Variants in RUFY3 observed in about 807,000 individuals in gnomAD.
The protein encoded by RUFY3 is RUN and FYVE domain containing 3, also known as protein RUFY3.
RUFY3 carries 34 observed loss-of-function variants against 84.0 expected under a neutral mutation model. The observed-to-expected ratio is 0.40, with a 90% confidence interval of 0.31 to 0.54. RUFY3 has a LOEUF of 0.54. Among genes scored for constraint, RUFY3 ranks in the 20% least tolerant of loss-of-function variants. The probability of loss-of-function intolerance (pLI) is 0.39; values close to 1 mark genes in which losing one functional copy is unlikely to be tolerated. For missense variants in RUFY3, 507 were observed against 736.8 expected, an observed-to-expected ratio of 0.69 and a Z score of 3.61; for synonymous variants, 242 against 252.9, an observed-to-expected ratio of 0.96 and a Z score of 0.41.
intron 1 of RUFY3, among the ~76,000 whole-genome samples, chr4:70,707,146 T>C (rs970690998): frequency 6.6e-6 from 1 of 152,264 alleles, no homozygotes; most frequent in Non-Finnish European, 1.5e-5. Flanking sequence ...ATTTTGTTAC[T>C]CTTATCAGTT....
intron 1 of RUFY3, among the ~76,000 whole-genome samples, chr4:70,705,496 G>C (rs1040316980): frequency 6.6e-6 from 1 of 151,144 alleles, no homozygotes; most frequent in African/African-American, 2.5e-5. Flanking sequence ...CGCGGTTCGG[G>C]CGCCGGATTC....
At chr4:70,755,421 G>T (rs1479451538) in intron 1 of RUFY3, among the ~76,000 whole-genome samples, 1 of 152,036 alleles carries the variant, frequency 6.6e-6, no homozygotes, top group African/African-American at 2.4e-5. Context: ...AACATTTCAA[G>T]ATTTTGCTGT....
chr4:70,704,824 T>TGGC (rs965791239), exon 1 of RUFY3: 62 of 664,698 alleles, frequency 9.3e-5, no homozygotes, highest in Admixed American at 5.1e-4. Flanking sequence ...AAGGTGGCGG[T>TGGC]GGCGGCGGCG....
rs2011477 is a variant in RUFY3, at chr4:70,808,191, A to G, written c.*1532A>G. On this transcript the variant is annotated 3_prime_UTR_variant, in exon 18 of 18. Coordinates refer to ENST00000381006, the MANE Select transcript of RUFY3 (RefSeq NM_001037442.4). ...TTTTGCTTTTTTGGAACTTTGTGGA[A>G]TTTTTCTTTTTCTGAATATTTTTGA... Among the ~76,000 whole-genome samples the G allele has an allele frequency of 0.053, 8,104 of 151,954 alleles. 522 individuals are homozygous for G. Among genetic ancestry groups the G allele is most frequent in the African/African-American group, 0.16 (6,439 of 41,404 alleles).
intron 1 of RUFY3, among the ~76,000 whole-genome samples, chr4:70,727,768 C>G (rs1718523641): frequency 7.6e-6 from 1 of 132,328 alleles, no homozygotes; most frequent in Admixed American, 8.0e-5. Flanking sequence ...GCCTGGGCAA[C>G]AAGAGAGAAA....
At chr4:70,753,530 C>A (rs1482651405) in intron 1 of RUFY3, among the ~76,000 whole-genome samples, 3 of 152,144 alleles carry the variant, frequency 2.0e-5, no homozygotes, top group African/African-American at 7.2e-5. Flanking sequence ...CAGTGCTTCT[C>A]AAACTTTAAT....
chr4:70,721,133 G>A (rs1002281958), upstream of RUFY3, among the ~76,000 whole-genome samples: 4 of 151,856 alleles, frequency 2.6e-5, no homozygotes, highest in Admixed American at 2.0e-4. Context: ...CCAAGATGGT[G>A]AAACCCCGTC....
chr4:70,769,388 G>A (rs974186920), intron 5 of RUFY3, among the ~76,000 whole-genome samples: 2 of 152,174 alleles, frequency 1.3e-5, no homozygotes, highest in African/African-American at 4.8e-5. Context: ...TATTAAGTAT[G>A]TGATAGTGTA....
intron 5 of RUFY3, among the ~76,000 whole-genome samples, chr4:70,772,450 A>G (rs891803927): frequency 6.6e-6 from 1 of 152,094 alleles, no homozygotes; most frequent in African/African-American, 2.4e-5. Context: ...ATATTTTATA[A>G]TTACTTAGTT....
chr4:70,764,704 C>A (rs566504840), intron 4 of RUFY3, 128 bp downstream of exon 4: 45 of 600,318 alleles, frequency 7.5e-5, no homozygotes, highest in Non-Finnish European at 4.1e-5. Flanking sequence ...CTGATACTTT[C>A]TCTCATACCT....
At chr4:70,725,021 C>G (rs1717989543) in intron 1 of RUFY3, among the ~76,000 whole-genome samples, 1 of 152,180 alleles carries the variant, frequency 6.6e-6, no homozygotes, top group African/African-American at 2.4e-5. Flanking sequence ...GGAAAAACAT[C>G]TGACCACCCA....
intron 1 of RUFY3, among the ~76,000 whole-genome samples, chr4:70,710,821 G>C (rs1740897048): frequency 6.6e-6 from 1 of 151,706 alleles, no homozygotes; most frequent in Non-Finnish European, 1.5e-5. Flanking sequence ...CCAGCACTTT[G>C]GGAGGCCAAG....
At chr4:70,775,858 T>G (rs1727851744) in intron 7 of RUFY3, among the ~76,000 whole-genome samples, 1 of 151,558 alleles carries the variant, frequency 6.6e-6, no homozygotes, top group African/African-American at 2.4e-5. Context: ...GGAGGATCAC[T>G]TGAGCCTGGG....
chr4:70,739,135 T>G (rs1301854901), intron 1 of RUFY3, among the ~76,000 whole-genome samples: 1 of 152,112 alleles, frequency 6.6e-6, no homozygotes, highest in African/African-American at 2.4e-5. Flanking sequence ...TGGCCCAAAT[T>G]ACTGGTTTAT....
chr4:70,795,931 A>G (rs1433628465), intron 14 of RUFY3, among the ~76,000 whole-genome samples: 2 of 152,224 alleles, frequency 1.3e-5, no homozygotes, highest in African/African-American at 4.8e-5. Flanking sequence ...GTCTGATGAG[A>G]GGAATGAGTT....
intron 1 of RUFY3, chr4:70,741,704 C>T (rs1375142892): frequency 6.9e-7 from 1 of 1,446,634 alleles, no homozygotes; most frequent in Non-Finnish European, 9.0e-7. Context: ...CAACATCTTT[C>T]AGCTTTTTCT....
chr4:70,719,865 T>C (rs1224083259), upstream of RUFY3, among the ~76,000 whole-genome samples: 3 of 152,196 alleles, frequency 2.0e-5, no homozygotes, highest in African/African-American at 4.8e-5. Flanking sequence ...CCTGGATCAC[T>C]ACCTGGCATG....
In RUFY3 at chr4:70,722,243, C is replaced by T; in HGVS notation, c.-331C>T. The T allele has an allele frequency of 4.9e-6, 6 of 1,231,648 alleles. No homozygotes were observed. Among genetic ancestry groups the T allele is most frequent in the Non-Finnish European group, 6.1e-6 (6 of 988,558 alleles). 76.3% of individuals were successfully genotyped at this position (1,231,648 alleles called of 1,614,324 possible). The stretch of plus-strand genomic sequence containing the variant: ...GCATCAGCTGTGCGGGATTTAAAGC[C>T]TATAGCTCAGCTGAAAAAAAAGGTG... On this transcript the variant is annotated 5_prime_UTR_variant, in exon 1 of 18. Transcript: ENST00000381006.
chr4:70,704,950 C>T (rs921284473), exon 1 of RUFY3: 18 of 1,225,912 alleles, frequency 1.5e-5, no homozygotes, highest in Admixed American at 4.3e-5. Context: ...GCTGAGACCC[C>T]GCCGCCGCCC....
Sources: gnomAD v4.1 joint callset for allele counts (sites outside exome capture counted in the v4.1 genomes callset) on GRCh38, gnomAD v4.1.1 for gene constraint, MANE v1.5 for transcripts, NCBI Gene and HGNC (gene_info 2026-07-23, HGNC 2026-07-21) for gene names.